Variants in GTF2IRD1 observed in about 807,000 individuals in gnomAD.
GTF2IRD1 encodes the protein GTF2I repeat domain containing 1.
GTF2IRD1 carries 26 observed loss-of-function variants against 113.2 expected under a neutral mutation model. The ratio of observed to expected loss-of-function variants is 0.23; its 90% confidence interval spans 0.17 to 0.32. GTF2IRD1 has a LOEUF of 0.32. Among genes scored for constraint, GTF2IRD1 ranks in the 10% least tolerant of loss-of-function variants. The probability of loss-of-function intolerance (pLI) is 1.00; values close to 1 mark genes in which losing one functional copy is unlikely to be tolerated. For synonymous variants in GTF2IRD1, 484 were observed against 529.1 expected (o/e 0.91, Z 1.17); for missense variants, 864 against 1,280.8 (o/e 0.67, Z 4.97).
intron 7 of GTF2IRD1, 67 bp from the exon 8 acceptor site, chr7:74,524,004 T>C (rs1797445422): frequency 8.9e-7 from 1 of 1,128,044 alleles, no homozygotes; most frequent in African/African-American, 1.5e-5. Flanking sequence ...CCGGTGGTCA[T>C]GGCCGGTGGA....
chr7:74,476,773 C>T (rs576272955), intron 1 of GTF2IRD1, among the ~76,000 whole-genome samples: 31 of 152,242 alleles, frequency 2.0e-4, no homozygotes, highest in South Asian at 1.2e-3. Context: ...GATGTGCCCA[C>T]GCCTGGTCAC....
At chr7:74,496,181 G>C (rs1795661000) in intron 1 of GTF2IRD1, among the ~76,000 whole-genome samples, 1 of 151,966 alleles carries the variant, frequency 6.6e-6, no homozygotes, top group Non-Finnish European at 1.5e-5. Context: ...GTGTATGCAT[G>C]TGAGTGGCTA....
chr7:74,499,013 A>G (rs1365103989), intron 1 of GTF2IRD1, among the ~76,000 whole-genome samples: 15 of 152,220 alleles, frequency 9.9e-5, no homozygotes, highest in African/African-American at 7.2e-5. Context: ...TACAGGCATG[A>G]GCCATCGCAC....
Position 74,480,104 on chromosome 7 carries a change from A to G in GTF2IRD1, c.-7+25928A>G, listed in dbSNP as rs573292436. On this transcript the variant is annotated intron_variant, in intron 1 of 26. Transcript: ENST00000424337. ...GAATTTTCCCCCGACTTGTATACTC[A>G]TGTAACCATCACTCAGCTCAAATCC... is the stretch of plus-strand genomic sequence containing the variant. 3.3e-5 allele frequency among the ~76,000 whole-genome samples: 5 copies of G among 151,732 alleles called. No homozygotes were observed. In the East Asian group the frequency reaches 9.7e-4, roughly 29 times the overall value.
intron 1 of GTF2IRD1, among the ~76,000 whole-genome samples, chr7:74,496,436 T>C (rs1271772277): frequency 6.7e-6 from 1 of 148,600 alleles, no homozygotes; most frequent in African/African-American, 2.5e-5. Context: ...TGCATGTGTG[T>C]ATGCATTTGA....
chr7:74,528,094 G>A (rs1454658181), intron 8 of GTF2IRD1, among the ~76,000 whole-genome samples: 5 of 152,280 alleles, frequency 3.3e-5, no homozygotes, highest in Admixed American at 1.3e-4. Context: ...GCAACTACTC[G>A]CCTGCCAGGA....
intron 1 of GTF2IRD1, chr7:74,506,107 C>T (rs1478453611): frequency 1.3e-5 from 2 of 152,248 alleles, no homozygotes; most frequent in Admixed American, 6.5e-5. Flanking sequence ...AGGCCAGAGC[C>T]GAGCTCTGAT....
intron 1 of GTF2IRD1, among the ~76,000 whole-genome samples, chr7:74,496,391 ATG>A (rs1190909559): frequency 8.4e-5 from 11 of 131,028 alleles, no homozygotes; most frequent in East Asian, 2.4e-4. Context: ...TGTGTGATAT[ATG>A]TGGGTGTGTG....
chr7:74,474,339 C>G (rs538344675), intron 1 of GTF2IRD1, among the ~76,000 whole-genome samples: 3 of 152,334 alleles, frequency 2.0e-5, no homozygotes, highest in South Asian at 2.1e-4. Context: ...ACTGTAGCCC[C>G]CCTGGTGGGG....
At chr7:74,514,998 A>G (rs1258755664) in intron 3 of GTF2IRD1, among the ~76,000 whole-genome samples, 4 of 142,632 alleles carry the variant, frequency 2.8e-5, no homozygotes, top group Non-Finnish European at 6.0e-5. Flanking sequence ...TGGAGGTTGT[A>G]GTGAGCCAAG....
intron 1 of GTF2IRD1, among the ~76,000 whole-genome samples, chr7:74,467,467 A>C (rs1554331196): frequency 2.6e-5 from 4 of 152,088 alleles, no homozygotes; most frequent in Non-Finnish European, 5.9e-5. Flanking sequence ...GGAGTGCCAG[A>C]ACAGTTAATC....
chr7:74,479,683 C>T (rs1290880473), intron 1 of GTF2IRD1, among the ~76,000 whole-genome samples: 1 of 152,066 alleles, frequency 6.6e-6, no homozygotes, highest in African/African-American at 2.4e-5. Flanking sequence ...TGGGCTTCTT[C>T]CATGCCACTT....
intron 22 of GTF2IRD1, among the ~76,000 whole-genome samples, chr7:74,569,703 G>C (rs587735143): frequency 3.9e-5 from 6 of 152,196 alleles, no homozygotes; most frequent in Non-Finnish European, 1.5e-5. Flanking sequence ...GTGTTGAGAA[G>C]GTCTGAACCC....
At chr7:74,559,725 A>T in intron 22 of GTF2IRD1, 70 bp downstream of exon 22, 1 of 1,327,284 alleles carries the variant, frequency 7.5e-7, no homozygotes, top group East Asian at 2.6e-5. Context: ...ACTGGAGCTA[A>T]GCCTGCTGTG....
At chr7:74,589,737 G>A (rs1801941103) in intron 22 of GTF2IRD1, 114 bp from the exon 23 acceptor site, 10 of 646,084 alleles carry the variant, frequency 1.5e-5, no homozygotes, top group East Asian at 8.3e-5. Context: ...GGAGTGGGTC[G>A]GCCCTGCAGA....
At chr7:74,562,626 G>C (rs587596949) in intron 22 of GTF2IRD1, among the ~76,000 whole-genome samples, 1 of 121,896 alleles carries the variant, frequency 8.2e-6, no homozygotes, top group East Asian at 2.8e-4. Context: ...AGAGTGCAAT[G>C]GTGTGATCCT....
chr7:74,466,796 G>A lies in GTF2IRD1; in HGVS notation c.-7+12620G>A, dbSNP rs942181035. Among the ~76,000 whole-genome samples the A allele has an allele frequency of 5.9e-5, 9 of 152,054 alleles. No individual in the cohort carries two copies. The South Asian group carries it at 1.9e-3, about 32-fold the overall frequency. ...ACAGACAGAGTGTGACTTCCAGTGG[G>A]TCACGGCCCCATCATCATGTTGTCC... On this transcript the variant is annotated intron_variant, in intron 1 of 26. Coordinates refer to ENST00000424337, the MANE Select transcript of GTF2IRD1 (RefSeq NM_005685.4).
chr7:74,465,601 T>C (rs1244812325), intron 1 of GTF2IRD1, among the ~76,000 whole-genome samples: 3 of 152,152 alleles, frequency 2.0e-5, no homozygotes, highest in Non-Finnish European at 4.4e-5. Context: ...TGAAGAACAC[T>C]TTGTCAGCTT....
intron 22 of GTF2IRD1, among the ~76,000 whole-genome samples, chr7:74,581,684 G>A (rs1373959570): frequency 1.3e-5 from 2 of 152,232 alleles, no homozygotes; most frequent in East Asian, 3.8e-4. Context: ...TTGGGAAAGA[G>A]GACTCATGAC....
Sources: allele counts gnomAD v4.1 joint callset (sites outside exome capture counted in the v4.1 genomes callset), GRCh38; gene constraint gnomAD v4.1.1; transcripts MANE v1.5; gene names NCBI Gene and HGNC (gene_info 2026-07-23, HGNC 2026-07-21).